TNNI3K: variants seen among roughly 807,000 people sequenced by gnomAD.
The protein encoded by TNNI3K is serine/threonine-protein kinase TNNI3K.
TNNI3K carries 140 observed loss-of-function variants against 114.5 expected under a neutral mutation model. That is an observed-to-expected ratio of 1.22 (90% confidence interval 1.07 to 1.41). The LOEUF (loss-of-function observed/expected upper bound fraction) is 1.41. TNNI3K is among the 40% of genes most tolerant of loss of function. The pLI is 0.00. For synonymous variants in TNNI3K, 347 were observed against 347.5 expected, an observed-to-expected ratio of 1.00 and a Z score of 0.02; for missense variants, 1,125 against 1,007.6, an observed-to-expected ratio of 1.12 and a Z score of -1.58.
chr1:74,439,538 AC>A lies in TNNI3K; in HGVS notation c.1929del (p.Ile644SerfsTer55). 1 of 1,613,518 alleles carries A rather than the reference AC, an allele frequency of 6.2e-7. No individual in the cohort carries two copies. The highest frequency in any genetic ancestry group is 1.1e-5 in the South Asian group (1 of 91,072). Reference protein sequence around the residue: ...PEVFTQCTRYTIKADVFSYAL... With the variant: ...PEVFTQCTRYXIKADVFSYAL... ...GGTGTTCACGCAGTGCACTCGGTAC[AC>A]CATCAAAGCAGATGTCTTCAGCTAT... On this transcript the variant is annotated frameshift_variant, in exon 20 of 25. Transcript: ENST00000326637. LOFTEE classifies it high-confidence loss of function.
chr1:74,238,920 A>T (rs1372217575), intron 2 of TNNI3K, among the ~76,000 whole-genome samples: 1 of 152,120 alleles, frequency 6.6e-6, no homozygotes, highest in Non-Finnish European at 1.5e-5. Flanking sequence ...ACCCTTTATC[A>T]TGTGAATCAG....
At chr1:74,415,251 C>T (rs2100620804) in intron 17 of TNNI3K, among the ~76,000 whole-genome samples, 1 of 152,212 alleles carries the variant, frequency 6.6e-6, no homozygotes, top group South Asian at 2.1e-4. Context: ...CCTTCCCTGA[C>T]CATTATAGGT....
In TNNI3K at chr1:74,436,087, A is replaced by G. The variant is rs757281460; in HGVS notation, c.1780A>G (p.Ile594Val). ...TTTTTTTTTTTTTTACAGTCACAATATTCTTCTCTATGAGGATGGGCATGC... is the reference window on the plus strand; with the variant it reads ...TTTTTTTTTTTTTTACAGTCACAATGTTCTTCTCTATGAGGATGGGCATGC... ...IIHRDLNSHN[I>V]LLYEDGHAVV... Residue 594 changes from isoleucine to valine, a missense_variant, in exon 18 of 25, where the codon ATT (isoleucine) becomes GTT (valine). Ile to Val is a conservative substitution (Grantham distance 29). Coordinates refer to ENST00000326637, the MANE Select transcript of TNNI3K (RefSeq NM_015978.3). 1.3e-6 allele frequency: 2 copies of G among 1,533,534 alleles called. No individual in the cohort carries two copies. The highest frequency in any genetic ancestry group is 4.0e-5 in the Admixed American group (2 of 49,536). The allele number at this position is 1,533,534 out of a possible 1,614,324, so 95.0% of individuals were successfully genotyped here. A position where few individuals can be genotyped will look rare whatever the true frequency, so the allele number is the denominator to read the frequency against.
At position 74,301,182 on chromosome 1, in the gene TNNI3K, C is replaced by A. The variant is rs367864990; in HGVS notation, c.444+29474C>A. Among the ~76,000 whole-genome samples the A allele has an allele frequency of 3.9e-5, 6 of 152,026 alleles. No homozygotes were observed. The East Asian group carries it at 1.2e-3, about 29-fold the overall frequency. ...TGGGAGGCTGAGACGGCGGGATCAC[C>A]TGAGGTCAGGAGTTTGAGATCATCC... is the stretch of plus-strand genomic sequence containing the variant. On this transcript the variant is annotated intron_variant, in intron 5 of 24. Transcript: ENST00000326637.
intron 17 of TNNI3K, among the ~76,000 whole-genome samples, chr1:74,386,455 T>C (rs1663484271): frequency 6.6e-6 from 1 of 152,160 alleles, no homozygotes; most frequent in South Asian, 2.1e-4. Flanking sequence ...TAAAATATCA[T>C]TTATGAGAAA....
intron 19 of TNNI3K, among the ~76,000 whole-genome samples, chr1:74,438,725 AT>A (rs1181524877): frequency 1.3e-5 from 2 of 152,082 alleles, no homozygotes; most frequent in African/African-American, 4.8e-5. Flanking sequence ...ATGGAAACTA[AT>A]TTTTTTAACT....
chr1:74,452,829 C>T lies in TNNI3K; in HGVS notation c.2012-10612C>T, dbSNP rs1487171901. On this transcript the variant is annotated intron_variant, in intron 20 of 24. Transcript: ENST00000326637. ...TGCAGCCCGTCATCCAGAGTCATCC[C>T]AACCACAGGAAACTTTCATATCCCC... Among the ~76,000 whole-genome samples, 5 of 152,304 alleles carry T rather than the reference C, an allele frequency of 3.3e-5. No homozygotes were observed. In the East Asian group the frequency reaches 5.8e-4, roughly 18 times the overall value.
Position 74,391,962 on chromosome 1 carries a change from T to A in TNNI3K, c.1772+21570T>A, listed in dbSNP as rs1012935427. Among the ~76,000 whole-genome samples, 362 of 132,332 alleles carry A rather than the reference T, an allele frequency of 2.7e-3. 7 individuals are homozygous for A. The highest frequency in any genetic ancestry group is 9.6e-3 in the African/African-American group (327 of 34,140). 86.8% of individuals were successfully genotyped at this position (132,332 alleles called of 152,430 possible). Reference sequence around the variant, plus strand: ...TTAGGATGGTACAGCTTATTATTTTTTTTTTTTTTTTTTTTTTTTTTGAGA... The same window carrying A: ...TTAGGATGGTACAGCTTATTATTTTATTTTTTTTTTTTTTTTTTTTTGAGA... On this transcript the variant is annotated intron_variant, in intron 17 of 24. Transcript: ENST00000326637.
chr1:74,443,965 C>A (rs190694726), intron 20 of TNNI3K, among the ~76,000 whole-genome samples: 1 of 152,190 alleles, frequency 6.6e-6, no homozygotes, highest in African/African-American at 2.4e-5. Flanking sequence ...AACATCCCTT[C>A]ATGTTAAAAA....
intron 23 of TNNI3K, among the ~76,000 whole-genome samples, chr1:74,506,017 C>T (rs1165816192): frequency 2.0e-5 from 3 of 152,156 alleles, no homozygotes; most frequent in Admixed American, 6.5e-5. Flanking sequence ...CTTCATCAGT[C>T]TCTTATTTGC....
chr1:74,317,962 A>G (rs1394369579), intron 5 of TNNI3K, among the ~76,000 whole-genome samples: 1 of 152,088 alleles, frequency 6.6e-6, no homozygotes, highest in Non-Finnish European at 1.5e-5. Flanking sequence ...AATCTATTTT[A>G]TGAACTATAG....
At chr1:74,249,750 T>C (rs1654814763) in intron 3 of TNNI3K, among the ~76,000 whole-genome samples, 1 of 152,174 alleles carries the variant, frequency 6.6e-6, no homozygotes. Flanking sequence ...TAAGCTTCAT[T>C]GTGTTGCTAC....
intron 5 of TNNI3K, among the ~76,000 whole-genome samples, chr1:74,318,531 A>G (rs1659441243): frequency 6.6e-6 from 1 of 152,204 alleles, no homozygotes; most frequent in Non-Finnish European, 1.5e-5. Flanking sequence ...GTGCCAGTGG[A>G]TGAGCAAATG....
Position 74,543,963 on chromosome 1 carries a change from G to A in TNNI3K, c.2489G>A (p.Ser830Asn). ...MHFHSCRNSS[S>N]FEDSS ...TTTCATTCTTGCCGAAATAGTAGCA[G>A]CTTTGAGGACAGCAGCTGACAGCAT... Residue 830 changes from serine to asparagine, a missense_variant, in exon 25 of 25, where the codon AGC becomes AAC. Coordinates refer to ENST00000326637, the MANE Select transcript of TNNI3K (RefSeq NM_015978.3). The A allele has an allele frequency of 1.9e-6, 3 of 1,613,138 alleles. No homozygotes were observed. Among genetic ancestry groups the A allele is most frequent in the Non-Finnish European group, 2.5e-6 (3 of 1,179,652 alleles).
chr1:74,349,223 G>C (rs1472225660), intron 9 of TNNI3K, among the ~76,000 whole-genome samples: 1 of 151,768 alleles, frequency 6.6e-6, no homozygotes, highest in Non-Finnish European at 1.5e-5. Context: ...AAACTTTTCT[G>C]CATCTATTGA....
chr1:74,397,445 C>A (rs1664142193), intron 17 of TNNI3K, among the ~76,000 whole-genome samples: 1 of 152,054 alleles, frequency 6.6e-6, no homozygotes, highest in African/African-American at 2.4e-5. Context: ...TTCATCAGGG[C>A]CCTGGTAGTG....
intron 17 of TNNI3K, among the ~76,000 whole-genome samples, chr1:74,384,583 G>A (rs991502762): frequency 4.6e-5 from 7 of 152,012 alleles, no homozygotes; most frequent in Admixed American, 6.6e-5. Flanking sequence ...CTAACCTGCA[G>A]CATTTCTATG....
intron 17 of TNNI3K, among the ~76,000 whole-genome samples, chr1:74,415,795 G>T (rs1471922722): frequency 4.7e-5 from 7 of 150,274 alleles, no homozygotes; most frequent in Non-Finnish European, 1.5e-5. Context: ...TTTAGATTAT[G>T]GTCATCTTTA....
At chr1:74,491,721 A>T (rs566614343) in intron 22 of TNNI3K, among the ~76,000 whole-genome samples, 9 of 152,214 alleles carry the variant, frequency 5.9e-5, no homozygotes, top group Non-Finnish European at 1.2e-4. Context: ...AAAGGGAATA[A>T]TTTTAGCTAT....
Sources: allele counts gnomAD v4.1 joint callset (sites outside exome capture counted in the v4.1 genomes callset), GRCh38; gene constraint gnomAD v4.1.1; transcripts MANE v1.5; gene names NCBI Gene and HGNC (gene_info 2026-07-23, HGNC 2026-07-21).